Variants in CNOT6 observed in about 807,000 individuals in gnomAD.
The protein encoded by CNOT6 is CCR4-NOT transcription complex subunit 6, also known as carbon catabolite repression 4 protein.
CNOT6 carries 12 observed loss-of-function variants against 61.2 expected under a neutral mutation model. The observed-to-expected ratio is 0.20, with a 90% CI of 0.13 to 0.32. CNOT6 has a LOEUF of 0.32. Among genes scored for constraint, CNOT6 ranks in the 10% least tolerant of loss-of-function variants. CNOT6 has a pLI of 1.00. For synonymous variants in CNOT6, 225 were observed against 240.6 expected (o/e 0.94, Z 0.60); for missense variants, 405 against 663.9 (o/e 0.61, Z 4.28).
chr5:180,556,064 C>G (rs1561658735), intron 4 of CNOT6, among the ~76,000 whole-genome samples: 2 of 152,276 alleles, frequency 1.3e-5, no homozygotes, highest in East Asian at 3.9e-4. Context: ...AATCCTATCC[C>G]CTTTACCCAA....
chr5:180,556,471 T>G (rs1440734929), intron 4 of CNOT6, among the ~76,000 whole-genome samples: 1 of 152,242 alleles, frequency 6.6e-6, no homozygotes, highest in African/African-American at 2.4e-5. Context: ...TTAGCCTGAT[T>G]TGATCATTCC....
intron 2 of CNOT6, among the ~76,000 whole-genome samples, chr5:180,534,033 G>T (rs1172915297): frequency 1.3e-5 from 2 of 152,232 alleles, no homozygotes; most frequent in African/African-American, 2.4e-5. Context: ...TGATTGGCAG[G>T]CTGGAAGACA....
chr5:180,528,867 T>C (rs1396270631), intron 1 of CNOT6, among the ~76,000 whole-genome samples: 1 of 152,090 alleles, frequency 6.6e-6, no homozygotes, highest in East Asian at 1.9e-4. Flanking sequence ...AAGAAGCTCC[T>C]AGTTTCTTTC....
chr5:180,514,079 C>T (rs1017248400), intron 1 of CNOT6, among the ~76,000 whole-genome samples: 10 of 152,032 alleles, frequency 6.6e-5, no homozygotes, highest in East Asian at 3.9e-4. Context: ...CCTCCTGCCT[C>T]GGCCTCCAAA....
At chr5:180,556,853 G>T (rs1296273792) in intron 4 of CNOT6, among the ~76,000 whole-genome samples, 1 of 152,108 alleles carries the variant, frequency 6.6e-6, no homozygotes, top group Non-Finnish European at 1.5e-5. Context: ...CTACTCGGGA[G>T]ACTGAGGTGG....
At chr5:180,538,034 CTTT>C (rs57646217) in intron 2 of CNOT6, among the ~76,000 whole-genome samples, 17 of 74,364 alleles carry the variant, frequency 2.3e-4, no homozygotes, top group Non-Finnish European at 2.4e-4. Flanking sequence ...GGAACATCAT[CTTT>C]TTTTTTTTTT....
chr5:180,568,892 G>A (rs913656806), intron 9 of CNOT6, among the ~76,000 whole-genome samples: 4 of 152,166 alleles, frequency 2.6e-5, no homozygotes, highest in African/African-American at 7.2e-5. Context: ...GGCTATTTTT[G>A]TACAAGTAGT....
intron 10 of CNOT6, among the ~76,000 whole-genome samples, chr5:180,570,168 G>A (rs1040777860): frequency 6.6e-6 from 1 of 152,240 alleles, no homozygotes; most frequent in Admixed American, 6.5e-5. Context: ...GACCAACCTG[G>A]CCAACATGGT....
intron 1 of CNOT6, among the ~76,000 whole-genome samples, chr5:180,495,148 G>T (rs1007854744): frequency 1.2e-4 from 18 of 152,226 alleles, no homozygotes; most frequent in African/African-American, 4.3e-4. Flanking sequence ...TGTGGGTGGC[G>T]CGCTGTGTGG....
chr5:180,554,827 A>G (rs1759799995), intron 4 of CNOT6, among the ~76,000 whole-genome samples: 1 of 152,214 alleles, frequency 6.6e-6, no homozygotes, highest in Non-Finnish European at 1.5e-5. Flanking sequence ...AAGAAATGGA[A>G]CATTACAGAA....
intron 2 of CNOT6, among the ~76,000 whole-genome samples, chr5:180,529,640 A>C (rs188654628): frequency 1.1e-4 from 17 of 152,360 alleles, no homozygotes; most frequent in South Asian, 4.1e-4. Context: ...AAAATACATA[A>C]ATGTAAAATA....
At chr5:180,533,184 G>A (rs146794963) in intron 2 of CNOT6, among the ~76,000 whole-genome samples, 79 of 152,088 alleles carry the variant, frequency 5.2e-4, no homozygotes, top group African/African-American at 1.9e-3. Context: ...AGTGAGATTA[G>A]AGTCCTGCCT....
intron 4 of CNOT6, among the ~76,000 whole-genome samples, chr5:180,562,507 G>C (rs975956755): frequency 6.6e-6 from 1 of 152,168 alleles, no homozygotes; most frequent in Non-Finnish European, 1.5e-5. Flanking sequence ...TTGGGAGGCC[G>C]AGTCGGGTGG....
chr5:180,529,053 AC>A (rs1758225675), intron 1 of CNOT6, among the ~76,000 whole-genome samples: 1 of 152,118 alleles, frequency 6.6e-6, no homozygotes, highest in Admixed American at 6.6e-5. Flanking sequence ...TATTAAAAAT[AC>A]AAAAATGAGC....
intron 2 of CNOT6, among the ~76,000 whole-genome samples, chr5:180,541,034 C>CTGT (rs1759001435): frequency 6.6e-6 from 1 of 151,968 alleles, no homozygotes; most frequent in Non-Finnish European, 1.5e-5. Flanking sequence ...AAAAGCCTTT[C>CTGT]TGTTGACCTA....
At chr5:180,530,769 C>T (rs1758319970) in intron 2 of CNOT6, among the ~76,000 whole-genome samples, 1 of 152,156 alleles carries the variant, frequency 6.6e-6, no homozygotes, top group Non-Finnish European at 1.5e-5. Context: ...GGTGATGACT[C>T]TTAAGGAGCA....
intron 2 of CNOT6, among the ~76,000 whole-genome samples, chr5:180,544,191 T>C (rs931588887): frequency 2.6e-5 from 4 of 152,242 alleles, no homozygotes; most frequent in Non-Finnish European, 5.9e-5. Context: ...TCTCTCATTA[T>C]AAAACTCACA....
intron 2 of CNOT6, among the ~76,000 whole-genome samples, chr5:180,540,097 C>A (rs910560001): frequency 3.3e-5 from 5 of 151,588 alleles, no homozygotes; most frequent in Non-Finnish European, 7.4e-5. Context: ...ATTTTAATTC[C>A]ATTTTTGGAG....
At chr5:180,527,854 C>T (rs187637726) in intron 1 of CNOT6, among the ~76,000 whole-genome samples, 14 of 152,268 alleles carry the variant, frequency 9.2e-5, no homozygotes, top group Non-Finnish European at 1.9e-4. Flanking sequence ...AGGTCCACCC[C>T]GTCAGATCAG....
Sources: gnomAD v4.1 joint callset for allele counts (sites outside exome capture counted in the v4.1 genomes callset) on GRCh38, gnomAD v4.1.1 for gene constraint, MANE v1.5 for transcripts, NCBI Gene and HGNC (gene_info 2026-07-23, HGNC 2026-07-21) for gene names.